The following EXOC6B variants were observed in gnomAD, a reference collection of about 807,000 sequenced individuals.
EXOC6B encodes SEC15 homolog B.
EXOC6B carries 54 observed loss-of-function variants against 113.5 expected under a neutral mutation model. The ratio of observed to expected loss-of-function variants is 0.48; its 90% CI spans 0.38 to 0.60. The LOEUF is 0.60. Among genes scored for constraint, EXOC6B ranks in the 20% least tolerant of loss-of-function variants. EXOC6B has a pLI of 0.00. For missense variants in EXOC6B, 797 were observed against 977.5 expected (o/e 0.82, Z 2.46); for synonymous variants, 357 against 339.0 (o/e 1.05, Z -0.58).
At chr2:72,436,264 T>G (rs1043794040) in intron 18 of EXOC6B, among the ~76,000 whole-genome samples, 1 of 152,222 alleles carries the variant, frequency 6.6e-6, no homozygotes, top group Admixed American at 6.5e-5. Flanking sequence ...TGCAGAGAGA[T>G]CTGCTGTTAG....
At chr2:72,684,955 G>C (rs577859761) in intron 6 of EXOC6B, among the ~76,000 whole-genome samples, 2 of 152,178 alleles carry the variant, frequency 1.3e-5, no homozygotes, top group African/African-American at 4.8e-5. Flanking sequence ...CTTCAGATTT[G>C]CGTAGATTTG....
At position 72,575,559 on chromosome 2, in the gene EXOC6B, C is replaced by G. The variant is rs1451205720; in HGVS notation, c.779G>C (p.Ser260Thr). The change falls in exon 7 of 22, where the codon AGT becomes ACT. Residue 260 changes from serine to threonine, a missense_variant. By Grantham distance (58) the Ser-to-Thr change is moderately conservative. Transcript: ENST00000272427. ...ATCCTGTTCAGACTTCGGACTAGTA[C>G]TTTCTATCTCTGTATCAAAGATTAT... ...AYIIFDTEIE[S>T]TSPKSEQDSG... The G allele has an allele frequency of 3.7e-6, 6 of 1,611,746 alleles. No individual in the cohort carries two copies. The highest frequency in any genetic ancestry group is 5.1e-6 in the Non-Finnish European group (6 of 1,179,076).
At chr2:72,395,983 C>T (rs1223380574) in intron 18 of EXOC6B, among the ~76,000 whole-genome samples, 1 of 151,622 alleles carries the variant, frequency 6.6e-6, no homozygotes, top group Non-Finnish European at 1.5e-5. Context: ...TATGGGTGTC[C>T]CAGATAGAAT....
At position 72,731,721 on chromosome 2, in the gene EXOC6B, A is replaced by G. The variant is rs202012819; in HGVS notation, c.328-476T>C. ...TGTGAGACAAACTTCTTCAAAAAGT[A>G]ATAATCTACACATCTACTTGCAGCA... is the stretch of plus-strand genomic sequence containing the variant. On this transcript the variant is annotated intron_variant, in intron 3 of 21. Coordinates refer to ENST00000272427, the MANE Select transcript of EXOC6B (RefSeq NM_015189.3). 3.9e-5 allele frequency among the ~76,000 whole-genome samples: 6 copies of G among 152,290 alleles called. No individual in the cohort carries two copies. The East Asian group carries it at 1.2e-3, about 29-fold the overall frequency.
At chr2:72,519,608 G>A (rs1266180804) in intron 8 of EXOC6B, among the ~76,000 whole-genome samples, 2 of 152,166 alleles carry the variant, frequency 1.3e-5, no homozygotes, top group Non-Finnish European at 2.9e-5. Flanking sequence ...GAAGCTCACA[G>A]GAAACTAAAC....
intron 1 of EXOC6B, among the ~76,000 whole-genome samples, chr2:72,765,503 C>T (rs1391246679): frequency 1.3e-5 from 2 of 151,834 alleles, no homozygotes; most frequent in Non-Finnish European, 2.9e-5. Context: ...TGAAACCCCC[C>T]TCTCTACTAA....
chr2:72,586,418 G>T (rs768751720), intron 6 of EXOC6B, among the ~76,000 whole-genome samples: 30 of 152,112 alleles, frequency 2.0e-4, no homozygotes, highest in Non-Finnish European at 3.8e-4. Flanking sequence ...CCATTAAAAA[G>T]TCGGCAAAAT....
chr2:72,781,180 T>A (rs1415009215), intron 1 of EXOC6B, among the ~76,000 whole-genome samples: 1 of 152,196 alleles, frequency 6.6e-6, no homozygotes, highest in Non-Finnish European at 1.5e-5. Flanking sequence ...ACTTTCCCAA[T>A]CTTACCCTAA....
chr2:72,581,486 T>A (rs934816137), intron 6 of EXOC6B, among the ~76,000 whole-genome samples: 4 of 152,230 alleles, frequency 2.6e-5, no homozygotes, highest in African/African-American at 9.6e-5. Context: ...CAAATAGTTT[T>A]CTTACACCTT....
intron 5 of EXOC6B, among the ~76,000 whole-genome samples, chr2:72,719,816 T>A (rs1679878092): frequency 6.6e-6 from 1 of 152,186 alleles, no homozygotes; most frequent in Admixed American, 6.5e-5. Context: ...CAGCAGATGG[T>A]AACTTGAATT....
intron 6 of EXOC6B, among the ~76,000 whole-genome samples, chr2:72,696,966 C>A (rs985418017): frequency 4.6e-5 from 7 of 151,964 alleles, no homozygotes; most frequent in Non-Finnish European, 5.9e-5. Context: ...AAAGAACATA[C>A]AAAATTTGAA....
chr2:72,481,595 A>C (rs1010965168), intron 16 of EXOC6B, among the ~76,000 whole-genome samples: 9 of 152,242 alleles, frequency 5.9e-5, no homozygotes, highest in African/African-American at 2.2e-4. Context: ...TGTGGAAGAA[A>C]GAACATGGGC....
At chr2:72,777,403 T>A (rs1239790014) in intron 1 of EXOC6B, among the ~76,000 whole-genome samples, 1 of 152,112 alleles carries the variant, frequency 6.6e-6, no homozygotes, top group Non-Finnish European at 1.5e-5. Flanking sequence ...TTATTTTAAA[T>A]ATTTTTTATT....
chr2:72,428,998 GATA>G (rs950042197), intron 18 of EXOC6B, among the ~76,000 whole-genome samples: 12 of 152,172 alleles, frequency 7.9e-5, no homozygotes, highest in African/African-American at 2.7e-4. Flanking sequence ...TTTAATTTGT[GATA>G]ATATTTAAAT....
At chr2:72,532,791 G>A (rs1007002388) in intron 8 of EXOC6B, among the ~76,000 whole-genome samples, 3 of 151,786 alleles carry the variant, frequency 2.0e-5, no homozygotes, top group African/African-American at 7.3e-5. Flanking sequence ...CTGGGTGACA[G>A]AGCGAGACTC....
intron 18 of EXOC6B, among the ~76,000 whole-genome samples, chr2:72,415,586 A>C (rs1573070638): frequency 6.6e-6 from 1 of 151,828 alleles, no homozygotes; most frequent in Non-Finnish European, 1.5e-5. Flanking sequence ...CAGTGTCCAA[A>C]GTGTGATGAT....
At chr2:72,569,259 A>G (rs1704379480) in intron 7 of EXOC6B, among the ~76,000 whole-genome samples, 1 of 152,152 alleles carries the variant, frequency 6.6e-6, no homozygotes, top group Non-Finnish European at 1.5e-5. Context: ...GCAATTTTAA[A>G]TCATATTCTC....
Position 72,670,005 on chromosome 2 carries a change from A to G in EXOC6B, c.669+48098T>C, listed in dbSNP as rs548783713. The stretch of plus-strand genomic sequence containing the variant: ...TTACAGAAATGTAACAGCCATATAA[A>G]TTAGGGGAAATTGTATTTTGTAGTT... On this transcript the variant is annotated intron_variant, in intron 6 of 21. Coordinates refer to ENST00000272427, the MANE Select transcript of EXOC6B (RefSeq NM_015189.3). 1.5e-4 allele frequency among the ~76,000 whole-genome samples: 23 copies of G among 152,352 alleles called. No individual in the cohort carries two copies. In the South Asian group the frequency reaches 3.3e-3, roughly 22 times the overall value.
At chr2:72,645,048 C>T (rs867797526) in intron 6 of EXOC6B, among the ~76,000 whole-genome samples, 17 of 152,130 alleles carry the variant, frequency 1.1e-4, no homozygotes, top group South Asian at 1.0e-3. Context: ...ACCCATTTCA[C>T]GTGCAGAGAC....
Sources: gnomAD v4.1 joint callset for allele counts (sites outside exome capture counted in the v4.1 genomes callset) on GRCh38, gnomAD v4.1.1 for gene constraint, MANE v1.5 for transcripts, NCBI Gene and HGNC (gene_info 2026-07-23, HGNC 2026-07-21) for gene names.